Variants in GRM8 observed in about 807,000 individuals in gnomAD.
GRM8 encodes the protein glutamate metabotropic receptor 8, also known as metabotropic glutamate receptor 8.
GRM8 carries 47 observed loss-of-function variants against 87.2 expected under a neutral mutation model. The observed-to-expected ratio is 0.54, with a 90% confidence interval of 0.43 to 0.69. The LOEUF (loss-of-function observed/expected upper bound fraction) is 0.69. GRM8 is among the 30% of genes least tolerant of loss of function. The pLI is 0.00. For synonymous variants in GRM8, 396 were observed against 404.5 expected (o/e 0.98, Z 0.25); for missense variants, 1,019 against 1,139.2 (o/e 0.89, Z 1.52).
intron 6 of GRM8, among the ~76,000 whole-genome samples, chr7:126,832,042 G>A (rs574416716): frequency 1.3e-5 from 2 of 152,076 alleles, no homozygotes; most frequent in East Asian, 3.9e-4. Flanking sequence ...CTGCAAAAAT[G>A]TATCTTCAAG....
intron 3 of GRM8, among the ~76,000 whole-genome samples, chr7:127,083,991 T>C (rs1412562058): frequency 6.6e-6 from 1 of 152,184 alleles, no homozygotes; most frequent in Admixed American, 6.5e-5. Context: ...GAACAAGTAC[T>C]TCATACATGT....
At chr7:126,648,834 T>C (rs1803468976) in intron 7 of GRM8, among the ~76,000 whole-genome samples, 1 of 152,186 alleles carries the variant, frequency 6.6e-6, no homozygotes, top group Admixed American at 6.5e-5. Flanking sequence ...AGCAATATAA[T>C]CCTTAGATGA....
At chr7:127,049,564 G>A (rs1000168314) in intron 3 of GRM8, among the ~76,000 whole-genome samples, 2 of 152,092 alleles carry the variant, frequency 1.3e-5, no homozygotes, top group African/African-American at 4.8e-5. Context: ...CACAATCTTA[G>A]GTCTTGGGGA....
intron 7 of GRM8, among the ~76,000 whole-genome samples, chr7:126,737,854 T>C (rs961443931): frequency 2.0e-5 from 3 of 152,078 alleles, no homozygotes; most frequent in African/African-American, 4.8e-5. Context: ...AATTGCAGTA[T>C]GGTAAGTGCT....
In GRM8 at chr7:126,533,666, G is replaced by A. The variant is rs1050502191; in HGVS notation, c.1716C>T (p.Ile572=). The change falls in exon 9 of 11, where the codon ATC becomes ATT. Residue 572 remains isoleucine, a synonymous_variant. Coordinates refer to ENST00000339582, the MANE Select transcript of GRM8 (RefSeq NM_000845.3). Reference sequence around the variant, plus strand: ...AATGCCACTCCAATTTGATGATGGGGATAAGCTGGCAGCCTGTGCGGTTCA... The same window carrying A: ...AATGCCACTCCAATTTGATGATGGGAATAAGCTGGCAGCCTGTGCGGTTCA... ...PNMNRTGCQL[I]PIIKLEWHSP... The A allele has an allele frequency of 1.2e-6, 2 of 1,614,008 alleles. No homozygotes were observed. The highest frequency in any genetic ancestry group is 2.2e-5 in the South Asian group (2 of 91,082).
At chr7:126,579,654 A>T (rs1334627072) in intron 8 of GRM8, among the ~76,000 whole-genome samples, 1 of 152,144 alleles carries the variant, frequency 6.6e-6, no homozygotes, top group Non-Finnish European at 1.5e-5. Flanking sequence ...AGGAAAAGGA[A>T]TTTTTACTTG....
intron 8 of GRM8, among the ~76,000 whole-genome samples, chr7:126,551,099 TGAA>T (rs921320294): frequency 2.0e-5 from 3 of 152,296 alleles, no homozygotes; most frequent in Admixed American, 2.0e-4. Flanking sequence ...TCCCATGCCT[TGAA>T]AATACCATCT....
At chr7:126,857,122 G>T (rs1318365328) in intron 6 of GRM8, among the ~76,000 whole-genome samples, 1 of 152,184 alleles carries the variant, frequency 6.6e-6, no homozygotes, top group Non-Finnish European at 1.5e-5. Flanking sequence ...ACTCACTAGA[G>T]AAACTATGCC....
intron 8 of GRM8, among the ~76,000 whole-genome samples, chr7:126,558,427 G>A (rs577299491): frequency 2.0e-5 from 3 of 152,156 alleles, no homozygotes; most frequent in Non-Finnish European, 4.4e-5. Context: ...CCTCAATCTA[G>A]GTAGCTTAAC....
chr7:126,543,937 T>C (rs1259418761), intron 8 of GRM8, among the ~76,000 whole-genome samples: 1 of 152,210 alleles, frequency 6.6e-6, no homozygotes, highest in Non-Finnish European at 1.5e-5. Flanking sequence ...GTTGGCAATG[T>C]ATGAAGACAG....
At chr7:126,983,264 T>C (rs758234528) in intron 3 of GRM8, among the ~76,000 whole-genome samples, 3 of 150,528 alleles carry the variant, frequency 2.0e-5, no homozygotes, top group African/African-American at 7.3e-5. Context: ...TAATGGTGAG[T>C]GGTGCCATCA....
At chr7:127,072,326 G>A (rs919653147) in intron 3 of GRM8, among the ~76,000 whole-genome samples, 1 of 152,122 alleles carries the variant, frequency 6.6e-6, no homozygotes, top group East Asian at 1.9e-4. Flanking sequence ...TACCCACAAA[G>A]AGTTCTTATG....
intron 7 of GRM8, among the ~76,000 whole-genome samples, chr7:126,639,434 G>A (rs1375173544): frequency 1.3e-5 from 2 of 152,150 alleles, no homozygotes; most frequent in African/African-American, 2.4e-5. Context: ...GGGGCAAATA[G>A]AAGGGACATG....
intron 3 of GRM8, among the ~76,000 whole-genome samples, chr7:126,961,003 T>A (rs1809262444): frequency 6.6e-6 from 1 of 152,192 alleles, no homozygotes; most frequent in Non-Finnish European, 1.5e-5. Flanking sequence ...GAGTCAGTTC[T>A]GCTCTTGAAA....
At chr7:127,085,658 T>C (rs546596019) in intron 3 of GRM8, among the ~76,000 whole-genome samples, 1 of 152,292 alleles carries the variant, frequency 6.6e-6, no homozygotes, top group South Asian at 2.1e-4. Context: ...GATGGGGTTG[T>C]TTTTTCTTGT....
At chr7:126,747,368 T>C (rs1815817435) in intron 7 of GRM8, among the ~76,000 whole-genome samples, 1 of 152,012 alleles carries the variant, frequency 6.6e-6, no homozygotes, top group African/African-American at 2.4e-5. Flanking sequence ...TTATGCTCTG[T>C]GGTCATGCAT....
chr7:126,810,162 A>G (rs905419038), intron 6 of GRM8, among the ~76,000 whole-genome samples: 1 of 152,132 alleles, frequency 6.6e-6, no homozygotes, highest in African/African-American at 2.4e-5. Context: ...TTGATACTGA[A>G]GATAATGAGT....
chr7:126,675,102 A>G (rs1042330971), intron 7 of GRM8, among the ~76,000 whole-genome samples: 1 of 152,258 alleles, frequency 6.6e-6, no homozygotes, highest in Non-Finnish European at 1.5e-5. Flanking sequence ...CAAAGTACAT[A>G]GATCAAGATA....
intron 2 of GRM8, among the ~76,000 whole-genome samples, chr7:127,113,619 C>A (rs1395378209): frequency 6.6e-6 from 1 of 152,090 alleles, no homozygotes; most frequent in African/African-American, 2.4e-5. Context: ...AGTGAAAGAT[C>A]AGCTTGAAGC....
Sources: allele counts gnomAD v4.1 joint callset (sites outside exome capture counted in the v4.1 genomes callset), GRCh38; gene constraint gnomAD v4.1.1; transcripts MANE v1.5; gene names NCBI Gene and HGNC (gene_info 2026-07-23, HGNC 2026-07-21).